Variants in ABCA13 observed in about 807,000 individuals in gnomAD.
ABCA13 encodes the protein ATP-binding cassette sub-family A member 13.
A neutral mutation model predicts 478.7 loss-of-function variants in ABCA13; 476 were observed. That is an observed-to-expected ratio of 0.99 (90% CI 0.92 to 1.07). ABCA13 has a LOEUF of 1.07. Among genes scored for constraint, ABCA13 ranks in the 50% least tolerant of loss-of-function variants. The pLI is 0.00. For synonymous variants in ABCA13, 2,252 were observed against 2,158.9 expected, an observed-to-expected ratio of 1.04 and a Z score of -1.20; for missense variants, 6,060 against 5,910.6, an observed-to-expected ratio of 1.03 and a Z score of -0.83.
rs1792021402 is a variant in ABCA13 at position 48,248,383 on chromosome 7, G to A, written c.1804G>A (p.Asp602Asn). The change falls in exon 14 of 62, where the codon GAT becomes AAT. Residue 602 changes from aspartate to asparagine, a missense_variant. Physicochemically the swap from Asp to Asn is conservative, Grantham distance 23 (BLOSUM62 1). Around this residue, in one of 3 missense-constraint regions of ABCA13, gnomAD observed 4,423 missense variants for 4,309.1 expected, o/e 1.03. Transcript: ENST00000435803. Reference sequence around the variant, plus strand: ...TCGGCTCTTCCTGCTGCTGGGAGCTGATCCCTCTCCTGAGAATGATGTCTT... The same window carrying A: ...TCGGCTCTTCCTGCTGCTGGGAGCTAATCCCTCTCCTGAGAATGATGTCTT... ...CTRLFLLLGA[D>N]PSPENDVFSS... is the part of the protein sequence containing the mutation. The A allele has an allele frequency of 6.2e-7, 1 of 1,613,498 alleles. No individual in the cohort carries two copies. The highest frequency in any genetic ancestry group is 1.3e-5 in the African/African-American group (1 of 74,902).
At chr7:48,360,190 C>T (rs1208604936) in intron 31 of ABCA13, among the ~76,000 whole-genome samples, 1 of 142,110 alleles carries the variant, frequency 7.0e-6, no homozygotes, top group South Asian at 2.5e-4. Context: ...TCCCTCCCCC[C>T]TCCCCCACCC....
intron 43 of ABCA13, among the ~76,000 whole-genome samples, chr7:48,460,781 G>T (rs1826160977): frequency 6.6e-6 from 1 of 152,180 alleles, no homozygotes. Flanking sequence ...ATATGCAGAA[G>T]GATAACAGAA....
intron 53 of ABCA13, 25 bp from the exon 54 acceptor site, chr7:48,524,223 A>T (rs1223261176): frequency 6.3e-7 from 1 of 1,599,654 alleles, no homozygotes; most frequent in Non-Finnish European, 8.5e-7. Flanking sequence ...CTAGGTGTGA[A>T]TTCACTCTGA....
chr7:48,232,010 C>G (rs1490739826), intron 7 of ABCA13, among the ~76,000 whole-genome samples: 1 of 152,044 alleles, frequency 6.6e-6, no homozygotes, highest in Non-Finnish European at 1.5e-5. Context: ...TTCTACAATC[C>G]CATTCAGAAT....
chr7:48,210,537 T>A (rs987792090), intron 3 of ABCA13, among the ~76,000 whole-genome samples: 8 of 152,134 alleles, frequency 5.3e-5, no homozygotes, highest in Admixed American at 2.0e-4. Context: ...TACGTTGTTT[T>A]TCTATTTTGA....
At chr7:48,343,987 C>G (rs530940460) in intron 29 of ABCA13, among the ~76,000 whole-genome samples, 2 of 152,058 alleles carry the variant, frequency 1.3e-5, no homozygotes, top group Non-Finnish European at 2.9e-5. Context: ...ATTACTATTA[C>G]TGTTTTCTAT....
At position 48,376,585 on chromosome 7, in the gene ABCA13, C is replaced by G. The variant is rs1468689527; in HGVS notation, c.11335+13C>G. 1 of 1,612,358 alleles carries G rather than the reference C, an allele frequency of 6.2e-7. No homozygotes were observed. The highest frequency in any genetic ancestry group is 1.1e-5 in the South Asian group (1 of 90,754). On this transcript the variant is annotated intron_variant, in intron 35 of 61. Coordinates refer to ENST00000435803, the MANE Select transcript of ABCA13 (RefSeq NM_152701.5). Reference sequence around the variant, plus strand: ...AACTTGATTCCTGGTAAGAATTTTGCCTTTTGTAAGATAACACAATAAATT... The same window carrying G: ...AACTTGATTCCTGGTAAGAATTTTGGCTTTTGTAAGATAACACAATAAATT...
chr7:48,183,309 A>T (rs992587362), intron 1 of ABCA13, among the ~76,000 whole-genome samples: 30 of 152,232 alleles, frequency 2.0e-4, no homozygotes, highest in African/African-American at 7.0e-4. Flanking sequence ...ATTTAGACTC[A>T]ATCTGGAGAT....
At chr7:48,492,823 C>T (rs147103124) in intron 48 of ABCA13, among the ~76,000 whole-genome samples, 10,339 of 151,890 alleles carry the variant, frequency 0.068, 425 homozygotes, top group African/African-American at 0.11. Context: ...CTCAGGAGTT[C>T]GAGACCAGCC....
At chr7:48,479,995 T>C (rs1311711687) in intron 45 of ABCA13, among the ~76,000 whole-genome samples, 1 of 152,208 alleles carries the variant, frequency 6.6e-6, no homozygotes, top group Non-Finnish European at 1.5e-5. Context: ...GTAATATTTA[T>C]GGATTTTCGA....
At chr7:48,290,940 GAAAAAAAAAA>G (rs57470116) in intron 20 of ABCA13, among the ~76,000 whole-genome samples, 3 of 48,834 alleles carry the variant, frequency 6.1e-5, no homozygotes, top group South Asian at 2.0e-3. Flanking sequence ...CACACTCAGG[GAAAAAAAAAA>G]AAAAAAAAAA....
rs1382238236 is a variant in ABCA13, at chr7:48,613,647, A to G, written c.14745-1638A>G. 7.9e-5 allele frequency among the ~76,000 whole-genome samples: 12 copies of G among 151,018 alleles called. 2 individuals carry two copies. Among genetic ancestry groups the G allele is most frequent in the Admixed American group, 6.7e-4 (10 of 14,916 alleles). Reference sequence around the variant, plus strand: ...CTTGTTCCTTGTAATTCTTTAGTGTATTACTGAATTGCAATTATTTTAGTT... The same window carrying G: ...CTTGTTCCTTGTAATTCTTTAGTGTGTTACTGAATTGCAATTATTTTAGTT... On this transcript the variant is annotated intron_variant, in intron 58 of 61. Transcript: ENST00000435803.
intron 35 of ABCA13, among the ~76,000 whole-genome samples, 160 bp downstream of exon 35, chr7:48,376,732 A>C (rs909795775): frequency 6.6e-6 from 1 of 152,178 alleles, no homozygotes; most frequent in Non-Finnish European, 1.5e-5. Flanking sequence ...TTGAGAAAAA[A>C]TGTGATGCCT....
At chr7:48,478,456 G>A (rs1457597725) in intron 45 of ABCA13, among the ~76,000 whole-genome samples, 2 of 151,832 alleles carry the variant, frequency 1.3e-5, no homozygotes, top group African/African-American at 2.4e-5. Context: ...AGATTAATTG[G>A]AGAAAAGGCA....
chr7:48,321,826 G>C (rs1803518782), intron 27 of ABCA13, among the ~76,000 whole-genome samples: 1 of 152,182 alleles, frequency 6.6e-6, no homozygotes, highest in South Asian at 2.1e-4. Context: ...TTCCAGGTAA[G>C]ATGTGGGCTG....
At chr7:48,178,021 C>A (rs1039481066) in intron 1 of ABCA13, among the ~76,000 whole-genome samples, 1 of 152,118 alleles carries the variant, frequency 6.6e-6, no homozygotes, top group Non-Finnish European at 1.5e-5. Flanking sequence ...TAAAAGCAAA[C>A]CTCCCTTTGT....
intron 29 of ABCA13, among the ~76,000 whole-genome samples, chr7:48,340,693 T>C (rs1807021267): frequency 6.6e-6 from 1 of 152,204 alleles, no homozygotes; most frequent in African/African-American, 2.4e-5. Context: ...TTAATGCAGA[T>C]GTCTTAGAGT....
intron 56 of ABCA13, among the ~76,000 whole-genome samples, chr7:48,584,630 T>C (rs1421477389): frequency 1.3e-5 from 2 of 152,212 alleles, no homozygotes; most frequent in African/African-American, 4.8e-5. Flanking sequence ...CAGGATGGGC[T>C]CTGACCACCC....
chr7:48,302,954 G>T (rs1773704784), intron 23 of ABCA13, among the ~76,000 whole-genome samples: 1 of 152,102 alleles, frequency 6.6e-6, no homozygotes, highest in South Asian at 2.1e-4. Context: ...TTCTCACCAG[G>T]AGTGTATAAA....
Sources: gnomAD v4.1 joint callset for allele counts (sites outside exome capture counted in the v4.1 genomes callset) on GRCh38, gnomAD v4.1.1 for gene constraint, gnomAD v4.1.1 regional missense constraint, MANE v1.5 for transcripts, NCBI Gene and HGNC (gene_info 2026-07-23, HGNC 2026-07-21) for gene names.